The following SMG6 variants were observed in gnomAD, a reference collection of about 807,000 sequenced individuals.
SMG6 encodes SMG6 nonsense mediated mRNA decay factor, also known as telomerase-binding protein EST1A.
SMG6 carries 66 observed loss-of-function variants against 142.2 expected under a neutral mutation model. The observed-to-expected ratio is 0.46, with a 90% CI of 0.38 to 0.57. The LOEUF (loss-of-function observed/expected upper bound fraction) is 0.57. Among genes scored for constraint, SMG6 ranks in the 20% least tolerant of loss-of-function variants. The pLI, the probability that SMG6 is intolerant of heterozygous loss-of-function variation, is 0.00. For missense variants in SMG6, 1,793 were observed against 1,832.0 expected (o/e 0.98, Z 0.39); for synonymous variants, 779 against 702.4 (o/e 1.11, Z -1.72).
intron 13 of SMG6, among the ~76,000 whole-genome samples, chr17:2,147,222 G>A (rs1160171506): frequency 4.6e-5 from 7 of 152,132 alleles, no homozygotes; most frequent in African/African-American, 1.4e-4. Flanking sequence ...GTGAAACCCT[G>A]TCTCTACTAA....
intron 13 of SMG6, chr17:2,088,080 G>C: frequency 1.0e-6 from 1 of 985,440 alleles, no homozygotes; most frequent in Non-Finnish European, 1.2e-6. Context: ...AATTGTCCTT[G>C]GCCTCACCTG....
At chr17:2,183,631 AT>A (rs1328754378) in intron 12 of SMG6, among the ~76,000 whole-genome samples, 1 of 152,098 alleles carries the variant, frequency 6.6e-6, no homozygotes, top group Non-Finnish European at 1.5e-5. Context: ...CTTTTATACA[AT>A]TTTCATGAGT....
At chr17:2,123,084 A>AT (rs1381515589) in intron 13 of SMG6, among the ~76,000 whole-genome samples, 2 of 151,864 alleles carry the variant, frequency 1.3e-5, no homozygotes, top group African/African-American at 4.8e-5. Context: ...ATGCTGCCGC[A>AT]TAACGCTGGC....
At position 2,068,958 on chromosome 17, in the gene SMG6, C is replaced by T. The variant is rs780331295; in HGVS notation, c.3682-27G>A. 11 of 1,610,476 alleles carry T rather than the reference C, an allele frequency of 6.8e-6. No homozygotes were observed. In the South Asian group the frequency reaches 1.2e-4, roughly 18 times the overall value. On this transcript the variant is annotated intron_variant, in intron 15 of 18. Transcript: ENST00000263073. The surrounding 1 kb of genome is among the most constrained non-coding windows in gnomAD (Gnocchi z 6.7). Reference sequence around the variant, plus strand: ...TATGGGGACAGAGTGGTGAATGAGCCAGACAGCGAGCAGGCAAGCAGGTGG... The same window carrying T: ...TATGGGGACAGAGTGGTGAATGAGCTAGACAGCGAGCAGGCAAGCAGGTGG...
chr17:2,301,232 A>G (rs980869696), intron 1 of SMG6, among the ~76,000 whole-genome samples: 3 of 152,204 alleles, frequency 2.0e-5, no homozygotes, highest in African/African-American at 7.2e-5. Context: ...TTTAAACTTG[A>G]CCAGGATGAT....
intron 13 of SMG6, among the ~76,000 whole-genome samples, chr17:2,165,939 C>T (rs1313050729): frequency 2.6e-5 from 4 of 151,846 alleles, no homozygotes; most frequent in Non-Finnish European, 4.4e-5. Context: ...TGGACGGGCG[C>T]GGTGACTCAG....
intron 8 of SMG6, among the ~76,000 whole-genome samples, chr17:2,252,198 G>A (rs1466521269): frequency 2.6e-5 from 4 of 152,172 alleles, no homozygotes; most frequent in Admixed American, 1.3e-4. Context: ...CAGATCACGA[G>A]GTCAAGAGAT....
intron 6 of SMG6, among the ~76,000 whole-genome samples, chr17:2,284,048 T>C (rs1313286858): frequency 6.6e-6 from 1 of 152,218 alleles, no homozygotes; most frequent in African/African-American, 2.4e-5. Context: ...AGCATGATGT[T>C]CAATTCACTT....
chr17:2,224,873 G>C (rs2073272194), intron 10 of SMG6, among the ~76,000 whole-genome samples: 1 of 152,170 alleles, frequency 6.6e-6, no homozygotes, highest in African/African-American at 2.4e-5. Context: ...AAAGCACCTA[G>C]AGAGAAAAGA....
intron 13 of SMG6, among the ~76,000 whole-genome samples, chr17:2,161,360 C>T (rs2071172341): frequency 6.6e-6 from 1 of 151,868 alleles, no homozygotes. Context: ...CTGCCTCGGC[C>T]TCTCAAAGTG....
chr17:2,147,121 G>A (rs2070692898), intron 13 of SMG6, among the ~76,000 whole-genome samples: 1 of 152,162 alleles, frequency 6.6e-6, no homozygotes. Context: ...GGGCCAGAAT[G>A]GTGGCTCACA....
chr17:2,097,654 A>G (rs895107277), intron 13 of SMG6, among the ~76,000 whole-genome samples: 3 of 152,178 alleles, frequency 2.0e-5, no homozygotes, highest in African/African-American at 7.2e-5. Context: ...AACAAAAAAC[A>G]AAAGAAAACA....
rs1165141565 is a variant in SMG6, at chr17:2,087,005, T to C, written c.3358-1104A>G. On this transcript the variant is annotated intron_variant, in intron 13 of 18. Transcript: ENST00000263073. ...CCCCTGCCTCTCTTTTAATGCATCC[T>C]CGTTTCTTAGTGTGAAAGGAACTTC... is the stretch of plus-strand genomic sequence containing the variant. The C allele has an allele frequency of 4.7e-6, 6 of 1,288,708 alleles. No individual in the cohort carries two copies. The Admixed American group carries it at 1.4e-4, about 30-fold the overall frequency. The allele number at this position is 1,288,708 out of a possible 1,614,324, so 79.8% of individuals were successfully genotyped here.
At chr17:2,252,913 T>A (rs1235226354) in intron 8 of SMG6, among the ~76,000 whole-genome samples, 3 of 151,994 alleles carry the variant, frequency 2.0e-5, no homozygotes, top group Non-Finnish European at 4.4e-5. Flanking sequence ...TTACATTTTT[T>A]TAATGGCTGA....
At chr17:2,261,203 A>C (rs1699534551) in intron 8 of SMG6, among the ~76,000 whole-genome samples, 1 of 151,142 alleles carries the variant, frequency 6.6e-6, no homozygotes, top group African/African-American at 2.4e-5. Flanking sequence ...AGTCCCAGCT[A>C]CTCAGGAGGC....
intron 13 of SMG6, among the ~76,000 whole-genome samples, chr17:2,112,515 AT>A (rs2069362732): frequency 8.4e-6 from 1 of 119,010 alleles, no homozygotes; most frequent in African/African-American, 3.4e-5. Flanking sequence ...CTCAAAAAAA[AT>A]AAAATAAAAA....
At chr17:2,124,147 G>A (rs932103755) in intron 13 of SMG6, among the ~76,000 whole-genome samples, 47 of 152,222 alleles carry the variant, frequency 3.1e-4, no homozygotes, top group African/African-American at 1.1e-3. Context: ...GACAGTTGGG[G>A]CACTTCTAAC....
At chr17:2,176,302 T>C (rs1356663074) in intron 12 of SMG6, among the ~76,000 whole-genome samples, 3 of 152,250 alleles carry the variant, frequency 2.0e-5, no homozygotes, top group East Asian at 3.9e-4. Context: ...TTAGGCCCTA[T>C]GGATTCAAGG....
intron 10 of SMG6, among the ~76,000 whole-genome samples, chr17:2,232,323 C>A (rs1262596080): frequency 6.6e-6 from 1 of 152,096 alleles, no homozygotes; most frequent in Non-Finnish European, 1.5e-5. Context: ...AGATGACTAC[C>A]GAAGTGTTAA....
Sources: gnomAD v4.1 joint callset for allele counts (sites outside exome capture counted in the v4.1 genomes callset) on GRCh38, gnomAD v4.1.1 for gene constraint, Gnocchi (gnomAD v3.1) non-coding constraint, MANE v1.5 for transcripts, NCBI Gene and HGNC (gene_info 2026-07-23, HGNC 2026-07-21) for gene names.